Variants in MYO5B observed in about 807,000 individuals in gnomAD.
MYO5B encodes myosin VB.
Under a neutral mutation model 229.3 loss-of-function variants are expected in MYO5B, and 143 were observed. The ratio of observed to expected loss-of-function variants is 0.62; its 90% CI spans 0.54 to 0.72. The LOEUF is 0.72. Among genes scored for constraint, MYO5B ranks in the 30% least tolerant of loss-of-function variants. MYO5B has a pLI of 0.00. For synonymous variants in MYO5B, 918 were observed against 885.2 expected (o/e 1.04, Z -0.66); for missense variants, 2,321 against 2,331.0 (o/e 1.00, Z 0.09).
At chr18:50,073,312 T>C (rs574869057) in intron 1 of MYO5B, among the ~76,000 whole-genome samples, 14 of 152,234 alleles carry the variant, frequency 9.2e-5, no homozygotes, top group Middle Eastern at 3.4e-3. Context: ...TGCACCCAGA[T>C]GGAACTGGCA....
intron 21 of MYO5B, among the ~76,000 whole-genome samples, chr18:49,896,470 G>A (rs914730489): frequency 1.3e-5 from 2 of 152,192 alleles, no homozygotes; most frequent in African/African-American, 4.8e-5. Context: ...TCTCTGCACA[G>A]AGGAGTAGGG....
intron 1 of MYO5B, among the ~76,000 whole-genome samples, chr18:50,095,554 G>A (rs1373352710): frequency 6.6e-6 from 1 of 152,220 alleles, no homozygotes; most frequent in Non-Finnish European, 1.5e-5. Context: ...TGCACACATG[G>A]GTGGGTGTGT....
intron 1 of MYO5B, among the ~76,000 whole-genome samples, chr18:50,076,031 C>T (rs754213875): frequency 8.5e-5 from 13 of 152,214 alleles, no homozygotes; most frequent in African/African-American, 1.4e-4. Flanking sequence ...CCCCTGTTAA[C>T]CCTCCACTGA....
At chr18:50,063,218 C>T (rs532886123) in intron 1 of MYO5B, among the ~76,000 whole-genome samples, 4 of 152,124 alleles carry the variant, frequency 2.6e-5, no homozygotes, top group African/African-American at 7.2e-5. Flanking sequence ...CCCCCAGCGG[C>T]GAGCCATGCT....
intron 1 of MYO5B, among the ~76,000 whole-genome samples, chr18:50,191,684 A>G (rs577590535): frequency 1.3e-5 from 2 of 152,316 alleles, no homozygotes; most frequent in Non-Finnish European, 2.9e-5. Context: ...GCCTCATATG[A>G]GCACTATTTC....
intron 29 of MYO5B, among the ~76,000 whole-genome samples, chr18:49,858,531 G>C (rs564566828): frequency 6.6e-6 from 1 of 152,238 alleles, no homozygotes; most frequent in Non-Finnish European, 1.5e-5. Flanking sequence ...CCACCCCCCA[G>C]GGAGGGGCTG....
At chr18:49,842,076 G>C (rs901276923) in intron 34 of MYO5B, among the ~76,000 whole-genome samples, 3 of 150,876 alleles carry the variant, frequency 2.0e-5, no homozygotes, top group Non-Finnish European at 4.4e-5. Context: ...TGACAGAGTG[G>C]TATGAGGTAC....
At chr18:50,060,521 T>C (rs1370914766) in intron 1 of MYO5B, among the ~76,000 whole-genome samples, 1 of 152,228 alleles carries the variant, frequency 6.6e-6, no homozygotes, top group Non-Finnish European at 1.5e-5. Flanking sequence ...ACTTAATTCC[T>C]TCATATCAAA....
At chr18:49,882,271 A>G (rs1266388462) in intron 22 of MYO5B, among the ~76,000 whole-genome samples, 25 of 152,130 alleles carry the variant, frequency 1.6e-4, no homozygotes, top group Admixed American at 1.6e-3. Flanking sequence ...TATATGGCAA[A>G]GACAACAAGT....
At chr18:50,033,076 A>G (rs920441956) in intron 4 of MYO5B, among the ~76,000 whole-genome samples, 3 of 152,186 alleles carry the variant, frequency 2.0e-5, no homozygotes, top group Admixed American at 6.5e-5. Flanking sequence ...TTACTTTTCA[A>G]AAAAACCATC....
intron 17 of MYO5B, among the ~76,000 whole-genome samples, chr18:49,924,573 ACT>A (rs2025109258): frequency 6.6e-6 from 1 of 152,184 alleles, no homozygotes; most frequent in Non-Finnish European, 1.5e-5. Flanking sequence ...GGAGTTTTGC[ACT>A]GTCTCAGGTT....
Position 49,853,472 on chromosome 18 carries a change from A to G in MYO5B, c.4198T>C (p.Ser1400Pro). ...QVEFGVQQEI[S>P]RLTNENLDLK... ...ACCAGATTCTCGTTGGTCAGCCGGGATATTTCCTGCTGAACGCCGAATTCC... is the reference window on the plus strand; with the variant it reads ...ACCAGATTCTCGTTGGTCAGCCGGGGTATTTCCTGCTGAACGCCGAATTCC... Residue 1400 changes from serine (S) to proline (P), a missense_variant, in exon 31 of 40, where the codon TCC becomes CCC. This residue lies in a region of MYO5B where 2,113 missense variants were observed against 2,044.7 expected (regional missense o/e 1.03). Coordinates refer to ENST00000285039, the MANE Select transcript of MYO5B (RefSeq NM_001080467.3). The G allele has an allele frequency of 6.2e-7, 1 of 1,613,794 alleles. No individual in the cohort carries two copies. The highest frequency in any genetic ancestry group is 8.5e-7 in the Non-Finnish European group (1 of 1,179,944).
intron 7 of MYO5B, among the ~76,000 whole-genome samples, chr18:49,986,746 A>G (rs1598933160): frequency 6.6e-6 from 1 of 152,284 alleles, no homozygotes; most frequent in South Asian, 2.1e-4. Context: ...CTTTCAAAGT[A>G]TCTCATTTGA....
chr18:49,849,989 G>T, intron 31 of MYO5B: 4 of 393,418 alleles, frequency 1.0e-5, no homozygotes, highest in Middle Eastern at 8.5e-4. Flanking sequence ...GACACACTCA[G>T]CCTAGGAGTC....
In MYO5B at chr18:50,055,395, G is replaced by C; in HGVS notation, c.28-17C>G. ...CCTTGTGCACTGAAAGATTAAAACA[G>C]AAGAAACTTAGATACAGAACAAAGC... On this transcript the variant is annotated splice_polypyrimidine_tract_variant and intron_variant, in intron 1 of 39. Coordinates refer to ENST00000285039, the MANE Select transcript of MYO5B (RefSeq NM_001080467.3). 1 of 1,597,812 alleles carries C rather than the reference G, an allele frequency of 6.3e-7. No homozygotes were observed.
chr18:49,980,610 A>G (rs1375327487), intron 8 of MYO5B, 57 bp from the exon 9 acceptor site: 1 of 1,287,274 alleles, frequency 7.8e-7, no homozygotes, highest in Non-Finnish European at 1.1e-6. Context: ...CAGAAAGGAC[A>G]TTTTACCCCT....
chr18:50,188,777 C>T (rs779687315), intron 1 of MYO5B, among the ~76,000 whole-genome samples: 1 of 79,556 alleles, frequency 1.3e-5, no homozygotes, highest in Admixed American at 1.9e-4. Context: ...CACAGTGAGA[C>T]TCTGTCATAA....
chr18:49,962,189 A>G (rs1175089698), intron 12 of MYO5B, 77 bp downstream of exon 12: 29 of 1,593,034 alleles, frequency 1.8e-5, no homozygotes, highest in Non-Finnish European at 2.4e-5. Context: ...ATGAAATTCC[A>G]CCTTTGAGAT....
chr18:50,059,398 T>A (rs568951649), intron 1 of MYO5B, among the ~76,000 whole-genome samples: 1 of 152,168 alleles, frequency 6.6e-6, no homozygotes, highest in Non-Finnish European at 1.5e-5. Context: ...GAGAGTAACA[T>A]CTATCCAGTG....
Sources: gnomAD v4.1 joint callset for allele counts (sites outside exome capture counted in the v4.1 genomes callset) on GRCh38, gnomAD v4.1.1 for gene constraint, gnomAD v4.1.1 regional missense constraint, MANE v1.5 for transcripts, NCBI Gene and HGNC (gene_info 2026-07-23, HGNC 2026-07-21) for gene names.